Variants in FKBP14 observed in about 807,000 individuals in gnomAD.
FKBP14 encodes the protein FKBP prolyl isomerase 14.
A neutral mutation model predicts 21.6 loss-of-function variants in FKBP14; 20 were observed. That is an observed-to-expected ratio of 0.92 (90% CI 0.65 to 1.34). The LOEUF (loss-of-function observed/expected upper bound fraction) is 1.34. Ranked by LOEUF, FKBP14 falls within the 40% of genes most tolerant of loss-of-function variation. The pLI, the probability that FKBP14 is intolerant of heterozygous loss-of-function variation, is 0.00. For synonymous variants in FKBP14, 79 were observed against 86.7 expected (o/e 0.91, Z 0.49); for missense variants, 253 against 249.0 (o/e 1.02, Z -0.11).
In FKBP14 at chr7:30,022,674, C is replaced by T. The variant is rs1192635116; in HGVS notation, c.340G>A (p.Glu114Lys). 1 of 1,610,926 alleles carries T rather than the reference C, an allele frequency of 6.2e-7. No individual in the cohort carries two copies. The highest frequency in any genetic ancestry group is 8.5e-7 in the Non-Finnish European group (1 of 1,179,168). The change falls in exon 2 of 4, where the codon GAA becomes AAA. Residue 114 changes from glutamate (E) to lysine (K), a missense_variant. Glu to Lys is a moderately conservative substitution (Grantham distance 56). Coordinates refer to ENST00000222803, the MANE Select transcript of FKBP14 (RefSeq NM_017946.4). ...IIPPALGYGK[E>K]GKGKIPPEST... ...ACAGAAATACTATTACCTTTTCCTTCTTTTCCATAGCCCAGAGCAGGAGGA... is the reference window on the plus strand; with the variant it reads ...ACAGAAATACTATTACCTTTTCCTTTTTTTCCATAGCCCAGAGCAGGAGGA...
intron 1 of FKBP14, among the ~76,000 whole-genome samples, chr7:30,023,394 G>A (rs1042168973): frequency 6.6e-6 from 1 of 152,228 alleles, no homozygotes; most frequent in African/African-American, 2.4e-5. Context: ...GATATGAAGA[G>A]TGAGAAGCAC....
chr7:30,016,117 G>A (rs1384367272), intron 3 of FKBP14, among the ~76,000 whole-genome samples: 1 of 151,892 alleles, frequency 6.6e-6, no homozygotes, highest in Non-Finnish European at 1.5e-5. Context: ...ATGTTGCCCA[G>A]GCTGGTCTTG....
At position 30,019,140 on chromosome 7, in the gene FKBP14, A is replaced by G. The variant is rs1261923788; in HGVS notation, c.350-17T>C. Reference sequence around the variant, plus strand: ...GAATTTTACCTGACGTGAGGAAAGAAGGCAGAAAGTTTTAAAAGAGCCAAA... The same window carrying G: ...GAATTTTACCTGACGTGAGGAAAGAGGGCAGAAAGTTTTAAAAGAGCCAAA... On this transcript the variant is annotated splice_polypyrimidine_tract_variant and intron_variant, in intron 2 of 3. Coordinates refer to ENST00000222803, the MANE Select transcript of FKBP14 (RefSeq NM_017946.4). 1.9e-5 allele frequency: 30 copies of G among 1,557,832 alleles called. No homozygotes were observed. Among genetic ancestry groups the G allele is most frequent in the Non-Finnish European group, 2.5e-5 (29 of 1,163,106 alleles).
chr7:30,009,967 C>A (rs1159867550), downstream of FKBP14, among the ~76,000 whole-genome samples: 6 of 152,046 alleles, frequency 3.9e-5, no homozygotes, highest in Non-Finnish European at 5.9e-5. Context: ...CCACTGGACT[C>A]CAGCCTGGCA....
chr7:30,007,087 T>G (rs1163465108), downstream of FKBP14, among the ~76,000 whole-genome samples: 1 of 152,206 alleles, frequency 6.6e-6, no homozygotes, highest in Non-Finnish European at 1.5e-5. Flanking sequence ...GTTGAATAAA[T>G]TAAGCTCAAC....
intron 3 of FKBP14, among the ~76,000 whole-genome samples, 180 bp from the exon 4 acceptor site, chr7:30,015,073 C>T (rs916959338): frequency 6.6e-6 from 1 of 152,026 alleles, no homozygotes. Flanking sequence ...AACTTTTTCC[C>T]TTAAAAAAAC....
At chr7:30,007,775 G>A (rs1001135874), downstream of FKBP14, among the ~76,000 whole-genome samples, 5 of 152,204 alleles carry the variant, frequency 3.3e-5, no homozygotes, top group Non-Finnish European at 7.3e-5. Flanking sequence ...CAGGCCCAGC[G>A]TGATGGCTCA....
downstream of FKBP14, among the ~76,000 whole-genome samples, chr7:30,009,715 C>T (rs886547253): frequency 6.6e-6 from 1 of 151,420 alleles, no homozygotes; most frequent in East Asian, 1.9e-4. Flanking sequence ...ATAGGCCGGG[C>T]GTGGTCCCTC....
chr7:30,019,488 C>T (rs556606768), intron 2 of FKBP14, among the ~76,000 whole-genome samples: 9 of 151,940 alleles, frequency 5.9e-5, no homozygotes, highest in Non-Finnish European at 7.4e-5. Context: ...TTAGATAATT[C>T]GGAGTTAAGT....
rs1477552700 is a variant in FKBP14, at chr7:30,013,651, A to G, written c.*1084T>C. 5 of 152,244 alleles carry G rather than the reference A, an allele frequency of 3.3e-5. No homozygotes were observed. Among genetic ancestry groups the G allele is most frequent in the Admixed American group, 3.3e-4 (5 of 15,290 alleles). 9.4% of individuals were successfully genotyped at this position (152,244 alleles called of 1,614,324 possible). A position where few individuals can be genotyped will look rare whatever the true frequency, so the allele number is the denominator to read the frequency against. ...TAGTATAATATACTATAGACTACCC[A>G]TTAAAGAACCAGGAAGGATATTCCG... On this transcript the variant is annotated 3_prime_UTR_variant, in exon 4 of 4. Transcript: ENST00000222803.
intron 3 of FKBP14, 104 bp downstream of exon 3, chr7:30,018,892 T>C (rs951904303): frequency 2.4e-5 from 28 of 1,145,242 alleles, no homozygotes; most frequent in Non-Finnish European, 3.2e-5. Context: ...AGATTTGAAA[T>C]ATACACATAT....
In FKBP14 at chr7:30,014,564, G is replaced by A; in HGVS notation, c.*171C>T. On this transcript the variant is annotated 3_prime_UTR_variant, in exon 4 of 4. Coordinates refer to ENST00000222803, the MANE Select transcript of FKBP14 (RefSeq NM_017946.4). ...GCTTTTTCTTCCCAATAACTTATCA[G>A]AAAGAAATGGGTACTTAGAAACCTA... 2.5e-6 allele frequency: 1 copy of A among 401,378 alleles called. No individual in the cohort carries two copies. The highest frequency in any genetic ancestry group is 3.9e-5 in the East Asian group (1 of 25,876). The allele number at this position is 401,378 out of a possible 1,614,324, so 24.9% of individuals were successfully genotyped here.
At chr7:30,026,131 A>C (rs1297701595) in intron 1 of FKBP14, among the ~76,000 whole-genome samples, 181 bp downstream of exon 1, 1 of 152,248 alleles carries the variant, frequency 6.6e-6, no homozygotes, top group Non-Finnish European at 1.5e-5. Context: ...CAAGACCTTC[A>C]AAGGCCTCGC....
chr7:30,008,844 C>A, downstream of FKBP14, among the ~76,000 whole-genome samples: 1 of 151,752 alleles, frequency 6.6e-6, no homozygotes. Flanking sequence ...GGCGTGGTGG[C>A]AGGCGCCTGT....
At chr7:30,018,057 T>C (rs1789940271) in intron 3 of FKBP14, among the ~76,000 whole-genome samples, 1 of 151,974 alleles carries the variant, frequency 6.6e-6, no homozygotes, top group Admixed American at 6.6e-5. Context: ...AGATTTTTGT[T>C]TTGAACCATG....
In FKBP14 at chr7:30,014,801, T is replaced by C. The variant is rs1464307674; in HGVS notation, c.570A>G (p.Lys190=). ...TAAACCCATCTTTGTCTTCATCTTC[T>C]TTATCAAAAATATCCTCCACCAAAG... ...HDALVEDIFD[K]EDEDKDGFIS... The change falls in exon 4 of 4, where the codon AAA becomes AAG. Residue 190 remains lysine (K), a synonymous_variant. Coordinates refer to ENST00000222803, the MANE Select transcript of FKBP14 (RefSeq NM_017946.4). 1.9e-6 allele frequency: 3 copies of C among 1,610,606 alleles called. No individual in the cohort carries two copies. The African/African-American group carries it at 4.0e-5, about 22-fold the overall frequency.
At chr7:30,006,116 CTT>C (rs67895228), downstream of FKBP14, among the ~76,000 whole-genome samples, 21,661 of 110,390 alleles carry the variant, frequency 0.2, 2,045 homozygotes, top group African/African-American at 0.27. Context: ...TTAGGATAGT[CTT>C]TTTTTTTTTT....
chr7:30,016,802 CCT>C (rs1190929766), intron 3 of FKBP14, among the ~76,000 whole-genome samples: 3 of 152,120 alleles, frequency 2.0e-5, no homozygotes, highest in Non-Finnish European at 4.4e-5. Context: ...AATTATATCA[CCT>C]CTCTTCCTTC....
downstream of FKBP14, among the ~76,000 whole-genome samples, chr7:30,009,041 G>A (rs1789667053): frequency 6.6e-6 from 1 of 152,018 alleles, no homozygotes; most frequent in South Asian, 2.1e-4. Flanking sequence ...ATGGGCATAT[G>A]TGTTTATAAT....
Sources: allele counts gnomAD v4.1 joint callset (sites outside exome capture counted in the v4.1 genomes callset), GRCh38; gene constraint gnomAD v4.1.1; transcripts MANE v1.5; gene names NCBI Gene and HGNC (gene_info 2026-07-23, HGNC 2026-07-21).